CCDC51: variants seen among roughly 807,000 people sequenced by gnomAD.
CCDC51 encodes the protein mitochondrial potassium channel.
Under a neutral mutation model 24.8 loss-of-function variants are expected in CCDC51, and 25 were observed. That is an observed-to-expected ratio of 1.01 (90% CI 0.73 to 1.41). CCDC51 has a LOEUF of 1.41. Among genes scored for constraint, CCDC51 ranks in the 40% most tolerant of loss-of-function variants. CCDC51 has a pLI of 0.00. For missense variants in CCDC51, 466 were observed against 519.1 expected (o/e 0.90, Z 0.99); for synonymous variants, 190 against 204.3 (o/e 0.93, Z 0.60).
upstream of CCDC51, chr3:48,440,515 G>A (rs763146933): frequency 3.1e-6 from 5 of 1,607,484 alleles, no homozygotes; most frequent in Middle Eastern, 1.9e-4. Flanking sequence ...ACAGGCCTGA[G>A]TTGAACACGC....
At chr3:48,440,291 G>C, upstream of CCDC51, 1 of 1,604,222 alleles carries the variant, frequency 6.2e-7, no homozygotes, top group South Asian at 1.1e-5. Flanking sequence ...AGCGGCGGCA[G>C]GCGCCATGTC....
upstream of CCDC51, chr3:48,440,622 C>A (rs775492653): frequency 6.2e-7 from 1 of 1,611,022 alleles, no homozygotes; most frequent in Non-Finnish European, 8.5e-7. Flanking sequence ...GGGGAAGGGG[C>A]CCTTGGGTAA....
upstream of CCDC51, chr3:48,440,466 C>A: frequency 6.2e-7 from 1 of 1,611,660 alleles, no homozygotes; most frequent in Non-Finnish European, 8.5e-7. Context: ...GAGGTGAGGG[C>A]GGGCGCGGAG....
upstream of CCDC51, among the ~76,000 whole-genome samples, chr3:48,442,739 C>T (rs573940194): frequency 3.7e-4 from 57 of 152,228 alleles, no homozygotes; most frequent in Middle Eastern, 3.4e-3. Flanking sequence ...CGTGAGCCAC[C>T]GCGCCTGGCC....
At chr3:48,440,504 G>C (rs776526349), upstream of CCDC51, 63 of 1,604,640 alleles carry the variant, frequency 3.9e-5, 1 homozygote, top group South Asian at 6.5e-4. Flanking sequence ...GGCGCTGGGA[G>C]ACAGGCCTGA....
chr3:48,442,349 G>A (rs1398636329), upstream of CCDC51, among the ~76,000 whole-genome samples: 1 of 151,140 alleles, frequency 6.6e-6, no homozygotes, highest in Non-Finnish European at 1.5e-5. Context: ...GTAACTCTAT[G>A]CTAGTTGTTT....
chr3:48,437,952 C>G lies in CCDC51; in HGVS notation c.-9+2036G>C, dbSNP rs1406474186. On this transcript the variant is annotated intron_variant, in intron 1 of 3. Coordinates refer to ENST00000395694, the MANE Select transcript of CCDC51 (RefSeq NM_001256964.2). This position sits in a 1 kb window ranked among gnomAD's most constrained non-coding sequence, Gnocchi z 4.2. The stretch of plus-strand genomic sequence containing the variant: ...TGACACCCCCCCACCAGCAACTGCC[C>G]CATTTCTTTGGTTTCCTTTATAACC... 1 of 152,266 alleles carries G rather than the reference C, an allele frequency of 6.6e-6. No individual in the cohort carries two copies. The highest frequency in any genetic ancestry group is 1.5e-5 in the Non-Finnish European group (1 of 68,140). The allele number at this position is 152,266 out of a possible 1,614,324, so 9.4% of individuals were successfully genotyped here. A position where few individuals can be genotyped will look rare whatever the true frequency, so the allele number is the denominator to read the frequency against.
In CCDC51 at chr3:48,432,333, T is replaced by C; in HGVS notation, c.*75A>G. The C allele has an allele frequency of 1.3e-6, 2 of 1,563,770 alleles. No individual in the cohort carries two copies. The highest frequency in any genetic ancestry group is 1.7e-6 in the Non-Finnish European group (2 of 1,148,020). ...GTTGTACATGCCCCCAAAGGCTCGC[T>C]TCATTGCTACGATTCTCTACTTAAA... On this transcript the variant is annotated 3_prime_UTR_variant, in exon 4 of 4. Transcript: ENST00000395694.
intron 2 of CCDC51, among the ~76,000 whole-genome samples, 160 bp downstream of exon 2, chr3:48,434,657 T>C (rs139486669): frequency 3.6e-3 from 548 of 152,280 alleles, no homozygotes; most frequent in Non-Finnish European, 5.3e-3. Flanking sequence ...GGTGGCACAG[T>C]TACATGGAGA....
In CCDC51 at chr3:48,439,703, T is replaced by C. The variant is rs2039494377; in HGVS notation, c.-9+285A>G. 2.0e-5 allele frequency among the ~76,000 whole-genome samples: 3 copies of C among 152,306 alleles called. No individual in the cohort carries two copies. The South Asian group carries it at 6.2e-4, about 32-fold the overall frequency. On this transcript the variant is annotated intron_variant, in intron 1 of 3. Transcript: ENST00000395694. ...CATATAATTCACCCAATGTGTACAATTCAGTAGTTTTACTATATTAACAGA... is the reference window on the plus strand; with the variant it reads ...CATATAATTCACCCAATGTGTACAACTCAGTAGTTTTACTATATTAACAGA...
rs776342232 is a variant in CCDC51, at chr3:48,433,102, A to C, written c.542T>G (p.Leu181Arg). 3.7e-6 allele frequency: 6 copies of C among 1,613,974 alleles called. No homozygotes were observed. Among genetic ancestry groups the C allele is most frequent in the Non-Finnish European group, 4.2e-6 (5 of 1,179,950 alleles). Reference protein sequence around the residue: ...AEDSEREKFSLFSAAVRESHE... With the variant: ...AEDSEREKFSRFSAAVRESHE... ...ACTTTCCCGCACAGCTGCAGAGAAGAGGGAGAACTTCTCTCGCTCAGAGTC... is the reference window on the plus strand; with the variant it reads ...ACTTTCCCGCACAGCTGCAGAGAAGCGGGAGAACTTCTCTCGCTCAGAGTC... Residue 181 changes from leucine to arginine, a missense_variant, in exon 4 of 4, where the codon CTC (leucine) becomes CGC (arginine). Coordinates refer to ENST00000395694, the MANE Select transcript of CCDC51 (RefSeq NM_001256964.2). The surrounding 1 kb of genome is among the most constrained non-coding windows in gnomAD (Gnocchi z 4.4).
chr3:48,434,738 C>T, intron 2 of CCDC51, 79 bp downstream of exon 2: 2 of 1,323,316 alleles, frequency 1.5e-6, no homozygotes, highest in Non-Finnish European at 1.0e-6. Flanking sequence ...CTGGATGTGG[C>T]TACCCAGCAC....
upstream of CCDC51, among the ~76,000 whole-genome samples, chr3:48,441,840 G>A (rs1407324284): frequency 2.6e-5 from 4 of 152,196 alleles, no homozygotes; most frequent in Non-Finnish European, 5.9e-5. Context: ...TGGTGGGAGT[G>A]TCATCTAGGG....
rs576491395 is a variant in CCDC51, at chr3:48,439,033, C to T, written c.-9+955G>A. 7.3e-4 allele frequency among the ~76,000 whole-genome samples: 111 copies of T among 152,322 alleles called. 1 individual carries two copies. The Middle Eastern group carries it at 0.01, about 14-fold the overall frequency. ...AGCTGCTATCTGTGCTGCTCGCTCCCTCACCTTCTTCAAGTCCTGCTCAAA... is the reference window on the plus strand; with the variant it reads ...AGCTGCTATCTGTGCTGCTCGCTCCTTCACCTTCTTCAAGTCCTGCTCAAA... On this transcript the variant is annotated intron_variant, in intron 1 of 3. Transcript: ENST00000395694.
chr3:48,436,126 G>A (rs1349830902), intron 1 of CCDC51, among the ~76,000 whole-genome samples: 1 of 152,130 alleles, frequency 6.6e-6, no homozygotes, highest in Non-Finnish European at 1.5e-5. Context: ...TGAGCCAACA[G>A]CACCCTCCTC....
Position 48,432,708 on chromosome 3 carries a change from T to C in CCDC51, c.936A>G (p.Gln312=). The C allele has an allele frequency of 6.2e-7, 1 of 1,614,222 alleles. No individual in the cohort carries two copies. The highest frequency in any genetic ancestry group is 8.5e-7 in the Non-Finnish European group (1 of 1,180,036). The change falls in exon 4 of 4, where the codon CAA becomes CAG. Residue 312 remains glutamine, a synonymous_variant. Transcript: ENST00000395694. ...ALKEQLSHSR[Q]VHSCLEGLRE... is the part of the protein sequence containing the mutation. ...GTAAGCCTTCTAGACATGAATGGAC[T>C]TGCCTGGAATGACTAAGCTGCTCTT... is the stretch of plus-strand genomic sequence containing the variant.
intron 2 of CCDC51, 83 bp downstream of exon 2, chr3:48,434,734 G>A: frequency 7.8e-7 from 1 of 1,273,994 alleles, no homozygotes; most frequent in Non-Finnish European, 1.1e-6. Context: ...AAGTCTGGAT[G>A]TGGCTACCCA....
At chr3:48,434,018 G>A in intron 2 of CCDC51, 147 bp from the exon 3 acceptor site, 1 of 1,432,464 alleles carries the variant, frequency 7.0e-7, no homozygotes. Context: ...ACTAATCCTG[G>A]CTCACCCAGT....
chr3:48,439,050 C>T (rs2039462884), intron 1 of CCDC51, among the ~76,000 whole-genome samples: 1 of 152,204 alleles, frequency 6.6e-6, no homozygotes, highest in Non-Finnish European at 1.5e-5. Context: ...TCTTCAAGTC[C>T]TGCTCAAATA....
Sources: gnomAD v4.1 joint callset for allele counts (sites outside exome capture counted in the v4.1 genomes callset) on GRCh38, gnomAD v4.1.1 for gene constraint, Gnocchi (gnomAD v3.1) non-coding constraint, MANE v1.5 for transcripts, NCBI Gene and HGNC (gene_info 2026-07-23, HGNC 2026-07-21) for gene names.